The following DGLUCY variants were observed in gnomAD, a reference collection of about 807,000 sequenced individuals.
The protein encoded by DGLUCY is D-glutamate cyclase, also known as D-glutamate cyclase, mitochondrial.
In DGLUCY, 58 loss-of-function variants were observed where a neutral mutation model predicts 58.5. That is an observed-to-expected ratio of 0.99 (90% confidence interval 0.80 to 1.23). The LOEUF (loss-of-function observed/expected upper bound fraction) is 1.23. Among genes scored for constraint, DGLUCY ranks in the 50% most tolerant of loss-of-function variants. The pLI, the probability that DGLUCY is intolerant of heterozygous loss-of-function variation, is 0.00. For synonymous variants in DGLUCY, 325 were observed against 314.1 expected (o/e 1.03, Z -0.37); for missense variants, 779 against 784.7 (o/e 0.99, Z 0.09).
At chr14:91,110,067 C>T (rs1354182510), upstream of DGLUCY, among the ~76,000 whole-genome samples, 1 of 152,174 alleles carries the variant, frequency 6.6e-6, no homozygotes, top group Non-Finnish European at 1.5e-5. Context: ...CTGGAGGGGG[C>T]CTCATTTCAG....
chr14:91,099,520 C>A (rs2044449903), intron 1 of DGLUCY, among the ~76,000 whole-genome samples: 1 of 104,268 alleles, frequency 9.6e-6, no homozygotes, highest in Non-Finnish European at 2.0e-5. Flanking sequence ...GCGACAGAGA[C>A]CCAATCTCAA....
At chr14:91,101,354 A>T (rs1398076658) in intron 1 of DGLUCY, among the ~76,000 whole-genome samples, 1 of 151,582 alleles carries the variant, frequency 6.6e-6, no homozygotes, top group African/African-American at 2.4e-5. Context: ...TCTAAATTTG[A>T]CTCTTTTAGA....
At chr14:91,197,760 G>T (rs944666696) in intron 10 of DGLUCY, among the ~76,000 whole-genome samples, 2 of 152,206 alleles carry the variant, frequency 1.3e-5, no homozygotes, top group African/African-American at 4.8e-5. Context: ...ATTCCCTTGT[G>T]TGTATAGACC....
At chr14:91,157,335 A>G (rs892492634) in intron 1 of DGLUCY, among the ~76,000 whole-genome samples, 3 of 151,974 alleles carry the variant, frequency 2.0e-5, no homozygotes, top group African/African-American at 7.2e-5. Context: ...GGATGGATAC[A>G]TACATAGATT....
chr14:91,221,695 G>A (rs935433421), intron 13 of DGLUCY, among the ~76,000 whole-genome samples: 1 of 152,048 alleles, frequency 6.6e-6, no homozygotes, highest in African/African-American at 2.4e-5. Context: ...GCCTCATTCT[G>A]GGCTCCCATT....
intron 13 of DGLUCY, chr14:91,220,698 C>G: frequency 2.2e-6 from 1 of 455,770 alleles, no homozygotes; most frequent in Non-Finnish European, 4.4e-6. Context: ...CTGCCTATTG[C>G]AAGATGAGAC....
intron 3 of DGLUCY, among the ~76,000 whole-genome samples, chr14:91,164,881 A>G (rs1252220830): frequency 6.6e-6 from 1 of 152,218 alleles, no homozygotes; most frequent in Admixed American, 6.5e-5. Context: ...GGGCTCTGCA[A>G]TTAGCTGGTA....
intron 3 of DGLUCY, 60 bp from the exon 4 acceptor site, chr14:91,167,165 A>G: frequency 6.6e-7 from 1 of 1,509,258 alleles, no homozygotes; most frequent in Non-Finnish European, 8.8e-7. Context: ...AAAGAAAATC[A>G]GTAAGTGTCT....
At chr14:91,223,999 CTG>C (rs1887874961) in intron 13 of DGLUCY, among the ~76,000 whole-genome samples, 1 of 152,210 alleles carries the variant, frequency 6.6e-6, no homozygotes, top group African/African-American at 2.4e-5. Flanking sequence ...CTTGTATTCT[CTG>C]TGACTCTGCT....
intron 7 of DGLUCY, among the ~76,000 whole-genome samples, chr14:91,180,300 G>A (rs1215584568): frequency 2.0e-5 from 3 of 151,922 alleles, no homozygotes; most frequent in Non-Finnish European, 4.4e-5. Context: ...GGCTGGGCGT[G>A]GTGGCTCACA....
intron 5 of DGLUCY, among the ~76,000 whole-genome samples, chr14:91,171,692 C>T (rs2048581685): frequency 1.3e-5 from 2 of 152,214 alleles, no homozygotes; most frequent in African/African-American, 2.4e-5. Context: ...TAGTCCTGGC[C>T]ATGTCCTAAA....
Position 91,225,236 on chromosome 14 carries a change from T to A in DGLUCY, c.*403T>A. 6.4e-6 allele frequency: 1 copy of A among 157,320 alleles called. No individual in the cohort carries two copies. Among genetic ancestry groups the A allele is most frequent in the African/African-American group, 2.4e-5 (1 of 41,766 alleles). The allele number at this position is 157,320 out of a possible 1,614,324, so 9.7% of individuals were successfully genotyped here. A position where few individuals can be genotyped will look rare whatever the true frequency, so the allele number is the denominator to read the frequency against. ...CCATGTAGGATAGGATACTCCAGACTCCAGTCATCCTCCCCCATCCATGGT... is the reference window on the plus strand; with the variant it reads ...CCATGTAGGATAGGATACTCCAGACACCAGTCATCCTCCCCCATCCATGGT... On this transcript the variant is annotated 3_prime_UTR_variant, in exon 14 of 14. Coordinates refer to ENST00000256324, the MANE Select transcript of DGLUCY (RefSeq NM_001102368.3).
At chr14:91,077,428 GAGGA>G (rs146017209) in intron 1 of DGLUCY, among the ~76,000 whole-genome samples, 1,902 of 148,654 alleles carry the variant, frequency 0.013, 32 homozygotes, top group African/African-American at 0.044. Flanking sequence ...AGGAGGGAGG[GAGGA>G]AGGAAGGAAG....
At position 91,160,257 on chromosome 14, in the gene DGLUCY, C is replaced by A; in HGVS notation, c.-29-9C>A. 1 of 1,534,988 alleles carries A rather than the reference C, an allele frequency of 6.5e-7. No homozygotes were observed. Among genetic ancestry groups the A allele is most frequent in the Non-Finnish European group, 9.0e-7 (1 of 1,108,798 alleles). On this transcript the variant is annotated splice_polypyrimidine_tract_variant and intron_variant, in intron 2 of 13. Coordinates refer to ENST00000256324, the MANE Select transcript of DGLUCY (RefSeq NM_001102368.3). ...TTTCTAATTTGTTCCCTTTCCTTCC[C>A]TCACCCAGATTCTCTGCTACTTATT...
At chr14:91,200,787 G>A in intron 11 of DGLUCY, among the ~76,000 whole-genome samples, 1 of 152,146 alleles carries the variant, frequency 6.6e-6, no homozygotes, top group Admixed American at 6.5e-5. Context: ...CAGGCTTTGT[G>A]TGAGCAACAG....
intron 11 of DGLUCY, among the ~76,000 whole-genome samples, chr14:91,202,058 A>AAATAATAATAATAATAATAATAAT (rs10523866): frequency 0.045 from 6,467 of 142,464 alleles, 195 homozygotes; most frequent in East Asian, 0.087. Flanking sequence ...TCTGTCTCAA[A>AAATAATAATAATAATAATAATAAT]AATAATAATA....
At chr14:91,178,747 T>G (rs913370610) in intron 7 of DGLUCY, among the ~76,000 whole-genome samples, 5 of 152,308 alleles carry the variant, frequency 3.3e-5, no homozygotes, top group African/African-American at 1.2e-4. Context: ...TATGAAACTT[T>G]AAGCCAAGTG....
chr14:91,141,863 T>C (rs1050474122), intron 1 of DGLUCY, among the ~76,000 whole-genome samples: 1 of 150,694 alleles, frequency 6.6e-6, no homozygotes, highest in Non-Finnish European at 1.5e-5. Flanking sequence ...TTTTTTTTTT[T>C]CAGACAGAGT....
At chr14:91,065,615 C>T (rs1232005132) in intron 1 of DGLUCY, among the ~76,000 whole-genome samples, 1 of 152,140 alleles carries the variant, frequency 6.6e-6, no homozygotes, top group Non-Finnish European at 1.5e-5. Context: ...CTCCCCACAT[C>T]ATTAACCTAA....
Sources: gnomAD v4.1 joint callset for allele counts (sites outside exome capture counted in the v4.1 genomes callset) on GRCh38, gnomAD v4.1.1 for gene constraint, MANE v1.5 for transcripts, NCBI Gene and HGNC (gene_info 2026-07-23, HGNC 2026-07-21) for gene names.